KCNMB3: variants seen among roughly 807,000 people sequenced by gnomAD.
KCNMB3 encodes calcium-activated potassium channel subunit beta-3.
KCNMB3 carries 18 observed loss-of-function variants against 11.9 expected under a neutral mutation model. The observed-to-expected ratio is 1.51, with a 90% confidence interval of 1.04 to 2.23. KCNMB3 has a LOEUF of 2.23. Among genes scored for constraint, KCNMB3 ranks in the 30% most tolerant of loss-of-function variants. The pLI, the probability that KCNMB3 is intolerant of heterozygous loss-of-function variation, is 0.00. For missense variants in KCNMB3, 247 were observed against 329.4 expected (o/e 0.75, Z 1.94); for synonymous variants, 78 against 119.2 (o/e 0.65, Z 2.25).
At chr3:179,251,624 G>A, upstream of KCNMB3, 1 of 1,266,868 alleles carries the variant, frequency 7.9e-7, no homozygotes, top group Non-Finnish European at 9.9e-7. Context: ...CAGGGTGTCT[G>A]GTGAACAGAA....
intron 1 of KCNMB3, among the ~76,000 whole-genome samples, chr3:179,264,247 A>C (rs1453462606): frequency 6.6e-6 from 1 of 152,210 alleles, no homozygotes; most frequent in Non-Finnish European, 1.5e-5. Context: ...ATAATGTTCC[A>C]TCAATTAGAT....
intron 1 of KCNMB3, chr3:179,260,291 G>C: frequency 6.2e-7 from 1 of 1,613,996 alleles, no homozygotes; most frequent in Non-Finnish European, 8.5e-7. Flanking sequence ...CCTGTGCTGT[G>C]TTTTCAGGGA....
chr3:179,249,007 CTTTTTTTTTT>C (rs1169837939), intron 1 of KCNMB3, among the ~76,000 whole-genome samples: 2 of 89,866 alleles, frequency 2.2e-5, no homozygotes, highest in African/African-American at 9.5e-5. Flanking sequence ...GACCCCGTCT[CTTTTTTTTTT>C]TTTTTTTTTT....
At chr3:179,254,514 T>C (rs1009460337), upstream of KCNMB3, among the ~76,000 whole-genome samples, 1 of 152,120 alleles carries the variant, frequency 6.6e-6, no homozygotes, top group Non-Finnish European at 1.5e-5. Flanking sequence ...ACTTAGGCCT[T>C]AAAAGAATTC....
chr3:179,259,579 G>C (rs528783804), intron 1 of KCNMB3: 29 of 1,608,146 alleles, frequency 1.8e-5, no homozygotes, highest in Middle Eastern at 1.8e-4. Context: ...ACCTCGTTTT[G>C]GGCTTCCACT....
chr3:179,261,476 G>A (rs1290991405), intron 1 of KCNMB3, among the ~76,000 whole-genome samples: 1 of 151,794 alleles, frequency 6.6e-6, no homozygotes, highest in Non-Finnish European at 1.5e-5. Context: ...GCAGCCGGCA[G>A]GGGCGGGGCG....
chr3:179,266,205 A>G (rs941521202), intron 1 of KCNMB3, among the ~76,000 whole-genome samples: 1 of 152,210 alleles, frequency 6.6e-6, no homozygotes, highest in Non-Finnish European at 1.5e-5. Context: ...CTGTGACTCC[A>G]GGGCTTCACC....
At chr3:179,266,563 T>C in intron 1 of KCNMB3, 1 of 1,505,240 alleles carries the variant, frequency 6.6e-7, no homozygotes, top group South Asian at 1.2e-5. Flanking sequence ...AAACACTCAC[T>C]CCCCAAGCTC....
At chr3:179,241,993 T>C (rs992755735), downstream of KCNMB3, 2 of 154,052 alleles carry the variant, frequency 1.3e-5, no homozygotes, top group African/African-American at 4.8e-5. Flanking sequence ...ACTAGAAAAA[T>C]GTTACTGAAA....
intron 2 of KCNMB3, 148 bp from the exon 3 acceptor site, chr3:179,243,432 G>A: frequency 4.9e-6 from 3 of 607,704 alleles, no homozygotes; most frequent in Non-Finnish European, 8.9e-6. Context: ...TAGCTCATGG[G>A]AAAGGGTTGA....
At chr3:179,255,468 T>A (rs1725983259), upstream of KCNMB3, among the ~76,000 whole-genome samples, 3 of 152,180 alleles carry the variant, frequency 2.0e-5, no homozygotes, top group Admixed American at 2.0e-4. Context: ...TAACACTCAA[T>A]TAGATACATC....
chr3:179,253,095 G>T (rs150566345), upstream of KCNMB3, among the ~76,000 whole-genome samples: 268 of 152,242 alleles, frequency 1.8e-3, no homozygotes, highest in Non-Finnish European at 3.4e-3. Context: ...CTAAAGTAGA[G>T]TTTGATGGTT....
chr3:179,240,679 T>A (rs547273194), downstream of KCNMB3: 1 of 152,294 alleles, frequency 6.6e-6, no homozygotes, highest in African/African-American at 2.4e-5. Context: ...CCAGGGATAA[T>A]CTCTCTCTTT....
At position 179,242,978 on chromosome 3, in the gene KCNMB3, CT is replaced by C. The variant is rs143962239; in HGVS notation, c.753del (p.Val252TyrfsTer4). 105,935 of 1,607,104 alleles carry C rather than the reference CT, an allele frequency of 0.066. 4,862 individuals carry two copies. Among genetic ancestry groups the C allele is most frequent in the African/African-American group, 0.21 (15,786 of 74,614 alleles). On this transcript the variant is annotated frameshift_variant, in exon 3 of 3. Coordinates refer to ENST00000392685, the MANE Select transcript of KCNMB3 (RefSeq NM_171830.2). LOFTEE classifies it low-confidence loss of function (END_TRUNC). ...AACTGATGCTGTTCTATATAAGGTA[CT>C]TTTCCACCTACCTCATCTCTGACTA... ...STVVRDEVGGKVPYIEQHQFK... is the reference protein window; with the variant it reads ...STVVRDEVGGXVPYIEQHQFK...
At chr3:179,258,300 T>A (rs760335369) in intron 1 of KCNMB3, among the ~76,000 whole-genome samples, 1 of 152,226 alleles carries the variant, frequency 6.6e-6, no homozygotes, top group Non-Finnish European at 1.5e-5. Context: ...ATTTGATACA[T>A]CATCAGCATG....
At chr3:179,248,727 C>CA (rs543706677) in intron 1 of KCNMB3, among the ~76,000 whole-genome samples, 18,401 of 80,044 alleles carry the variant, frequency 0.23, 1,433 homozygotes, top group Non-Finnish European at 0.29. Context: ...CACCCTGCTT[C>CA]AAAAAAAAAA....
Position 179,249,003 on chromosome 3 carries a change from G to A in KCNMB3, c.248+1740C>T, listed in dbSNP as rs1010522999. 2.1e-4 allele frequency among the ~76,000 whole-genome samples: 29 copies of A among 135,204 alleles called. No homozygotes were observed. The East Asian group carries it at 4.2e-3, about 20-fold the overall frequency. The allele number at this position is 135,204 out of a possible 152,430, so 88.7% of individuals were successfully genotyped here. On this transcript the variant is annotated intron_variant, in intron 1 of 2. Transcript: ENST00000392685. ...CTCCAGTGTCACAGAGCAAGACCCC[G>A]TCTCTTTTTTTTTTTTTTTTTTTTT...
upstream of KCNMB3, among the ~76,000 whole-genome samples, chr3:179,256,349 T>C (rs569677849): frequency 3.6e-4 from 55 of 151,868 alleles, 2 homozygotes; most frequent in South Asian, 0.011. Flanking sequence ...AACAGGAGAA[T>C]CACCTAAACC....
rs147573824 is a variant in KCNMB3 at position 179,250,792 on chromosome 3, G to T, written c.199C>A (p.Leu67Ile). The T allele has an allele frequency of 7.4e-6, 12 of 1,614,054 alleles. No homozygotes were observed. Among genetic ancestry groups the T allele is most frequent in the Non-Finnish European group, 1.0e-5 (12 of 1,180,054 alleles). The change falls in exon 1 of 3, where the codon CTA becomes ATA. Residue 67 changes from leucine to isoleucine, a missense_variant. By Grantham distance (5) the Leu-to-Ile change is conservative (BLOSUM62 2). Coordinates refer to ENST00000392685, the MANE Select transcript of KCNMB3 (RefSeq NM_171830.2). ...LGFAMMGFSV[L>I]MFFLLGTTIL... The stretch of plus-strand genomic sequence containing the variant: ...GTTGTTCCGAGCAAGAAGAACATTA[G>T]GACTGAGAAGCCCATCATGGCAAAC...
Sources: gnomAD v4.1 joint callset for allele counts (sites outside exome capture counted in the v4.1 genomes callset) on GRCh38, gnomAD v4.1.1 for gene constraint, MANE v1.5 for transcripts, NCBI Gene and HGNC (gene_info 2026-07-23, HGNC 2026-07-21) for gene names.